Variants in NPHP4 observed in about 807,000 individuals in gnomAD.
NPHP4 encodes nephrocystin-4.
NPHP4 carries 151 observed loss-of-function variants against 155.8 expected under a neutral mutation model. The observed-to-expected ratio is 0.97, with a 90% CI of 0.85 to 1.11. The LOEUF is 1.11. NPHP4 is among the 50% of genes least tolerant of loss of function. The pLI, the probability that NPHP4 is intolerant of heterozygous loss-of-function variation, is 0.00. For missense variants in NPHP4, 1,956 were observed against 1,925.7 expected (o/e 1.02, Z -0.29); for synonymous variants, 845 against 816.8 (o/e 1.03, Z -0.59).
chr1:5,870,389 T>G (rs918142693), intron 23 of NPHP4, among the ~76,000 whole-genome samples: 6 of 152,022 alleles, frequency 3.9e-5, no homozygotes, highest in Non-Finnish European at 5.9e-5. Context: ...AATAGGTGAA[T>G]GGGGTGAAGG....
At chr1:5,924,306 A>G (rs1428250850) in intron 11 of NPHP4, among the ~76,000 whole-genome samples, 2 of 152,166 alleles carry the variant, frequency 1.3e-5, no homozygotes, top group Non-Finnish European at 2.9e-5. Context: ...TGAGAGAGAA[A>G]GACAGAAGAA....
intron 7 of NPHP4, among the ~76,000 whole-genome samples, chr1:5,949,351 C>G (rs1395263512): frequency 4.0e-5 from 6 of 151,240 alleles, no homozygotes; most frequent in Non-Finnish European, 8.8e-5. Context: ...CATACACACA[C>G]ACACACACAC....
At position 5,961,875 on chromosome 1, in the gene NPHP4, C is replaced by T. The variant is rs1270617829; in HGVS notation, c.592G>A (p.Ala198Thr). Reference protein sequence around the residue: ...TLKPHPALEPAFHLLPENLLV... With the variant: ...TLKPHPALEPTFHLLPENLLV... ...AGGTTCTCAGGAAGAAGGTGGAACG[C>T]AGGCTCCAGGGCCGGGTGTGGCTTC... The change falls in exon 6 of 30, where the codon GCG (alanine) becomes ACG (threonine). Residue 198 changes from alanine (A) to threonine (T), a missense_variant. Transcript: ENST00000378156. 5 of 1,613,782 alleles carry T rather than the reference C, an allele frequency of 3.1e-6. No individual in the cohort carries two copies. The African/African-American group carries it at 6.7e-5, about 22-fold the overall frequency.
At chr1:5,960,632 C>T (rs1650136292) in intron 6 of NPHP4, among the ~76,000 whole-genome samples, 1 of 152,184 alleles carries the variant, frequency 6.6e-6, no homozygotes, top group Non-Finnish European at 1.5e-5. Flanking sequence ...ATCTCCATCA[C>T]ATGACAGGTA....
Position 5,874,984 on chromosome 1 carries a change from C to G in NPHP4, c.2934G>C (p.Glu978Asp), listed in dbSNP as rs752364536. The G allele has an allele frequency of 5.6e-6, 9 of 1,612,804 alleles. No homozygotes were observed. In the East Asian group the frequency reaches 2.0e-4, roughly 36 times the overall value. ...ASLLSLAITT[E>D]HTLHATLGVA... is the part of the protein sequence containing the mutation. ...CCCCCAGCGTGGCGTGGAGCGTGTG[C>G]TCCGTGGTGATGGCCAGGCTCAGCA... The change falls in exon 21 of 30, where the codon GAG becomes GAC. Residue 978 changes from glutamate (E) to aspartate (D), a missense_variant. Coordinates refer to ENST00000378156, the MANE Select transcript of NPHP4 (RefSeq NM_015102.5).
chr1:5,872,214 G>A (rs138447396), intron 23 of NPHP4, among the ~76,000 whole-genome samples: 13 of 152,258 alleles, frequency 8.5e-5, no homozygotes, highest in Non-Finnish European at 7.4e-5. Flanking sequence ...CCTGGCCCTC[G>A]CCCCCTTTGT....
In NPHP4 at chr1:5,864,369, C is replaced by A; in HGVS notation, c.3965G>T (p.Cys1322Phe). ...GATGAGCGGCTGGCGGCAGCAGAGGCACACGAGCCAGGAGGCCACCAGCTG... is the reference window on the plus strand; with the variant it reads ...GATGAGCGGCTGGCGGCAGCAGAGGAACACGAGCCAGGAGGCCACCAGCTG... ...CHQLVASWLV[C>F]LCCRQPLISK... The change falls in exon 28 of 30, where the codon TGC becomes TTC. Residue 1322 changes from cysteine to phenylalanine, a missense_variant. Physicochemically the swap from Cys to Phe is radical, Grantham distance 205 (BLOSUM62 -2). Transcript: ENST00000378156. The A allele has an allele frequency of 6.2e-7, 1 of 1,609,180 alleles. No individual in the cohort carries two copies.
chr1:5,908,307 G>A (rs953644328), intron 12 of NPHP4, among the ~76,000 whole-genome samples: 1 of 152,202 alleles, frequency 6.6e-6, no homozygotes, highest in African/African-American at 2.4e-5. Flanking sequence ...ACAGACTTGC[G>A]CCTTTAGGTG....
intron 6 of NPHP4, among the ~76,000 whole-genome samples, chr1:5,959,151 C>A (rs7518555): frequency 0.17 from 26,160 of 152,000 alleles, 2,354 homozygotes; most frequent in African/African-American, 0.22. Flanking sequence ...CCTCCGGACA[C>A]CATGGCGTGT....
At chr1:5,949,758 A>C (rs564547985) in intron 7 of NPHP4, among the ~76,000 whole-genome samples, 1 of 152,280 alleles carries the variant, frequency 6.6e-6, no homozygotes, top group South Asian at 2.1e-4. Flanking sequence ...AGGGACAAGC[A>C]TGAGTCCGAG....
intron 28 of NPHP4, 26 bp from the exon 29 acceptor site, chr1:5,864,059 G>T: frequency 6.2e-7 from 1 of 1,609,094 alleles, no homozygotes; most frequent in South Asian, 1.1e-5. Flanking sequence ...ACAGGGAGAC[G>T]CTGCGGCCAC....
In NPHP4 at chr1:5,961,786, G is replaced by A. The variant is rs747456645; in HGVS notation, c.673+8C>T. ...TCACCAAGTGGAGAGAATCAAAGAC[G>A]CCCTTACCGGATTCTCCATGAGCTG... On this transcript the variant is annotated splice_region_variant and intron_variant, in intron 6 of 29. Coordinates refer to ENST00000378156, the MANE Select transcript of NPHP4 (RefSeq NM_015102.5). 6.8e-6 allele frequency: 11 copies of A among 1,608,304 alleles called. No homozygotes were observed. In the African/African-American group the frequency reaches 8.0e-5, roughly 12 times the overall value.
At chr1:5,934,518 G>A (rs980890195) in intron 9 of NPHP4, among the ~76,000 whole-genome samples, 1 of 152,132 alleles carries the variant, frequency 6.6e-6, no homozygotes, top group African/African-American at 2.4e-5. Flanking sequence ...ACTTCCTACA[G>A]TGCTCCACTT....
At chr1:5,973,007 C>T (rs757175775) in intron 3 of NPHP4, among the ~76,000 whole-genome samples, 1 of 152,204 alleles carries the variant, frequency 6.6e-6, no homozygotes, top group Non-Finnish European at 1.5e-5. Flanking sequence ...GCCTCAGCCT[C>T]CCAAGTAGCT....
chr1:5,958,101 G>A (rs115118635), intron 6 of NPHP4, among the ~76,000 whole-genome samples: 237 of 152,370 alleles, frequency 1.6e-3, no homozygotes, highest in Non-Finnish European at 2.2e-3. Flanking sequence ...TTTTCTCCAC[G>A]GAGTTAGACT....
intron 5 of NPHP4, among the ~76,000 whole-genome samples, chr1:5,964,951 T>A (rs1214890991): frequency 3.7e-5 from 4 of 108,524 alleles, no homozygotes; most frequent in Middle Eastern, 4.8e-3. Flanking sequence ...ATTTTTTTTT[T>A]TTGAGGCAGG....
intron 16 of NPHP4, among the ~76,000 whole-genome samples, chr1:5,891,416 C>A (rs115409553): frequency 6.6e-6 from 1 of 152,040 alleles, no homozygotes; most frequent in Non-Finnish European, 1.5e-5. Context: ...TTCACACACA[C>A]AGGCAGAGCT....
At chr1:5,926,041 C>A (rs1003676649) in intron 11 of NPHP4, among the ~76,000 whole-genome samples, 3 of 152,190 alleles carry the variant, frequency 2.0e-5, no homozygotes, top group Non-Finnish European at 4.4e-5. Flanking sequence ...TAAACCGACT[C>A]TGACAGGAAA....
intron 16 of NPHP4, among the ~76,000 whole-genome samples, chr1:5,900,386 C>T (rs1361938313): frequency 6.6e-6 from 1 of 152,142 alleles, no homozygotes; most frequent in South Asian, 2.1e-4. Context: ...CAATCCAATA[C>T]GTGAGTGAGC....
Sources: gnomAD v4.1 joint callset for allele counts (sites outside exome capture counted in the v4.1 genomes callset) on GRCh38, gnomAD v4.1.1 for gene constraint, MANE v1.5 for transcripts, NCBI Gene and HGNC (gene_info 2026-07-23, HGNC 2026-07-21) for gene names.